Variants in EXOSC4 observed in about 807,000 individuals in gnomAD.
The protein encoded by EXOSC4 is exosome component 4, also known as exosome complex component RRP41.
Under a neutral mutation model 20.0 loss-of-function variants are expected in EXOSC4, and 14 were observed. That is an observed-to-expected ratio of 0.70 (90% CI 0.46 to 1.09). EXOSC4 has a LOEUF of 1.09. Among genes scored for constraint, EXOSC4 ranks in the 50% least tolerant of loss-of-function variants. EXOSC4 has a pLI of 0.00. For missense variants in EXOSC4, 337 were observed against 334.0 expected (o/e 1.01, Z -0.07); for synonymous variants, 148 against 146.4 (o/e 1.01, Z -0.08).
the EXOSC4 span, among the ~76,000 whole-genome samples, chr8:144,073,047 G>A: frequency 6.6e-6 from 1 of 152,226 alleles, no homozygotes; most frequent in Non-Finnish European, 1.5e-5. Flanking sequence ...GCTCTGTATG[G>A]TCCTACTGAC....
At chr8:144,067,664 C>T in the EXOSC4 span, among the ~76,000 whole-genome samples, 1 of 152,168 alleles carries the variant, frequency 6.6e-6, no homozygotes. Flanking sequence ...TTAGGAAAAC[C>T]ACTTTTGAAA....
the EXOSC4 span, among the ~76,000 whole-genome samples, chr8:144,070,360 A>C: frequency 0.21 from 31,466 of 151,188 alleles, 6,523 homozygotes; most frequent in African/African-American, 0.54. Context: ...CCCGTCTCTA[A>C]TAAAAATACA....
chr8:144,066,436 CTTTTTTT>C, the EXOSC4 span, among the ~76,000 whole-genome samples: 2,403 of 98,038 alleles, frequency 0.025, 35 homozygotes, highest in Middle Eastern at 0.055. Flanking sequence ...GAGTTTTTCT[CTTTTTTT>C]TTTTTTTTTT....
the EXOSC4 span, among the ~76,000 whole-genome samples, chr8:144,072,105 G>C: frequency 6.6e-6 from 1 of 152,194 alleles, no homozygotes; most frequent in East Asian, 1.9e-4. Flanking sequence ...CCGTCACCTG[G>C]GTATGTGTCA....
At chr8:144,075,103 C>T (rs1835824627), upstream of EXOSC4, among the ~76,000 whole-genome samples, 2 of 152,176 alleles carry the variant, frequency 1.3e-5, no homozygotes, top group Non-Finnish European at 1.5e-5. Context: ...CATTCTGTTG[C>T]CCAGGCTGGA....
At chr8:144,071,434 C>A in the EXOSC4 span, among the ~76,000 whole-genome samples, 78 of 149,332 alleles carry the variant, frequency 5.2e-4, no homozygotes, top group East Asian at 0.014. Flanking sequence ...TATAGGCATG[C>A]GCCTGGGATT....
In EXOSC4 at chr8:144,080,506, G is replaced by A. The variant is rs782295020; in HGVS notation, c.643G>A (p.Glu215Lys). The change falls in exon 3 of 3, where the codon GAG (glutamate) becomes AAG (lysine). Residue 215 changes from glutamate to lysine, a missense_variant. By Grantham distance (56) the Glu-to-Lys change is moderately conservative (BLOSUM62 1). Transcript: ENST00000316052. The surrounding 1 kb of genome is among the most constrained non-coding windows in gnomAD (Gnocchi z 4.9). Reference protein sequence around the residue: ...LHEDHLERVLEAAAQAARDVH... With the variant: ...LHEDHLERVLKAAAQAARDVH... Reference sequence around the variant, plus strand: ...CGAGGACCACCTGGAGCGGGTGTTGGAGGCTGCTGCCCAGGCTGCCCGAGA... The same window carrying A: ...CGAGGACCACCTGGAGCGGGTGTTGAAGGCTGCTGCCCAGGCTGCCCGAGA... 1.2e-6 allele frequency: 2 copies of A among 1,605,524 alleles called. No homozygotes were observed. The highest frequency in any genetic ancestry group is 1.7e-6 in the Non-Finnish European group (2 of 1,179,968).
intron 1 of EXOSC4, chr8:144,079,262 T>G: frequency 4.3e-6 from 1 of 232,276 alleles, no homozygotes. Flanking sequence ...TTTGTGCACC[T>G]ACAATCTCAA....
At chr8:144,071,041 T>C in the EXOSC4 span, among the ~76,000 whole-genome samples, 2 of 151,688 alleles carry the variant, frequency 1.3e-5, no homozygotes, top group East Asian at 1.9e-4. Flanking sequence ...AACAGACACA[T>C]GGAATTGGCC....
the EXOSC4 span, among the ~76,000 whole-genome samples, chr8:144,072,089 C>T: frequency 1.3e-5 from 2 of 152,340 alleles, no homozygotes; most frequent in Admixed American, 6.5e-5. Flanking sequence ...AGGGTATTTA[C>T]GACATCCGTC....
At chr8:144,067,895 A>G in the EXOSC4 span, among the ~76,000 whole-genome samples, 1 of 152,202 alleles carries the variant, frequency 6.6e-6, no homozygotes, top group African/African-American at 2.4e-5. Context: ...AATCCCAGCT[A>G]CTTGGGAGGC....
rs1267447603 is a variant in EXOSC4, at chr8:144,078,887, C to T, written c.159C>T (p.Tyr53=). 8.1e-6 allele frequency: 12 copies of T among 1,489,336 alleles called. No homozygotes were observed. The highest frequency in any genetic ancestry group is 2.9e-5 in the African/African-American group (2 of 68,606). The allele number at this position is 1,489,336 out of a possible 1,614,324, so 92.3% of individuals were successfully genotyped here. The change falls in exon 1 of 3, where the codon TAC becomes TAT. Residue 53 remains tyrosine (Y), a synonymous_variant. Transcript: ENST00000316052. This position sits in a 1 kb window ranked among gnomAD's most constrained non-coding sequence, Gnocchi z 4.7. ...ACACCAAGGCACTGGCTGTGGTCTACGGCCCGCACGAGGCGAGTGGGCGCG... is the reference window on the plus strand; with the variant it reads ...ACACCAAGGCACTGGCTGTGGTCTATGGCCCGCACGAGGCGAGTGGGCGCG... ...QGNTKALAVV[Y]GPHEIRGSRA...
chr8:144,067,035 C>T, the EXOSC4 span, among the ~76,000 whole-genome samples: 1 of 151,612 alleles, frequency 6.6e-6, no homozygotes, highest in Non-Finnish European at 1.5e-5. Flanking sequence ...TGTGGAGAGC[C>T]GAGATCACAC....
upstream of EXOSC4, among the ~76,000 whole-genome samples, chr8:144,074,460 A>G (rs1835818857): frequency 6.6e-6 from 1 of 152,216 alleles, no homozygotes; most frequent in Non-Finnish European, 1.5e-5. Context: ...GTCATGACAC[A>G]ACAAGCTGAT....
the EXOSC4 span, among the ~76,000 whole-genome samples, chr8:144,067,948 C>T: frequency 6.6e-6 from 1 of 152,202 alleles, no homozygotes; most frequent in African/African-American, 2.4e-5. Context: ...GGAGGTTCAA[C>T]CTGCCGAAAC....
chr8:144,078,155 G>A (rs1835854681), upstream of EXOSC4: 1 of 152,278 alleles, frequency 6.6e-6, no homozygotes, highest in African/African-American at 2.4e-5. The surrounding 1 kb of genome is among the most constrained non-coding windows in gnomAD (Gnocchi z 4.7). Flanking sequence ...CGGTGTAAAG[G>A]GAGGGCATGA....
At chr8:144,075,229 A>AT (rs782139585), upstream of EXOSC4, among the ~76,000 whole-genome samples, 643 of 131,990 alleles carry the variant, frequency 4.9e-3, 4 homozygotes, top group Middle Eastern at 8.4e-3. Context: ...TGTCCAGTTA[A>AT]TTTTTTTTTT....
chr8:144,068,231 A>T, the EXOSC4 span, among the ~76,000 whole-genome samples: 7 of 151,654 alleles, frequency 4.6e-5, no homozygotes, highest in East Asian at 5.8e-4. Flanking sequence ...ATATTTGGCC[A>T]CTCCCTTCAG....
chr8:144,078,075 C>T (rs1368855435), upstream of EXOSC4: 2 of 152,118 alleles, frequency 1.3e-5, no homozygotes, highest in Non-Finnish European at 2.9e-5. This position sits in a 1 kb window ranked among gnomAD's most constrained non-coding sequence, Gnocchi z 4.7. Flanking sequence ...CAACCCCTCT[C>T]TGGAAAGGAT....
Sources: allele counts gnomAD v4.1 joint callset (sites outside exome capture counted in the v4.1 genomes callset), GRCh38; gene constraint gnomAD v4.1.1; non-coding constraint Gnocchi (gnomAD v3.1); transcripts MANE v1.5; gene names NCBI Gene and HGNC (gene_info 2026-07-23, HGNC 2026-07-21).